The following DHRSX variants were observed in gnomAD, a reference collection of about 807,000 sequenced individuals.
The protein encoded by DHRSX is dehydrogenase/reductase X-linked, also known as polyprenol dehydrogenase.
Under a neutral mutation model 34.0 loss-of-function variants are expected in DHRSX, and 31 were observed. The ratio of observed to expected loss-of-function variants is 0.91; its 90% CI spans 0.69 to 1.23. DHRSX has a LOEUF of 1.23. Among genes scored for constraint, DHRSX ranks in the 50% most tolerant of loss-of-function variants. DHRSX has a pLI of 0.00. For missense variants in DHRSX, 414 were observed against 428.1 expected, an observed-to-expected ratio of 0.97 and a Z score of 0.29; for synonymous variants, 201 against 183.8, an observed-to-expected ratio of 1.09 and a Z score of -0.76.
intron 2 of DHRSX, among the ~76,000 whole-genome samples, chrX:2,424,840 A>G (rs2043822140): frequency 6.6e-6 from 1 of 152,170 alleles, no homozygotes; most frequent in African/African-American, 2.4e-5. Context: ...CACATTAGGT[A>G]TAAGACACAA....
intron 3 of DHRSX, among the ~76,000 whole-genome samples, chrX:2,315,991 A>C (rs929824081): frequency 1.3e-5 from 2 of 152,062 alleles, no homozygotes; most frequent in African/African-American, 4.8e-5. Context: ...CCTCCCCAGT[A>C]GCTGGGATTA....
chrX:2,398,035 T>C (rs1230861250), intron 3 of DHRSX, among the ~76,000 whole-genome samples: 5 of 149,944 alleles, frequency 3.3e-5, no homozygotes, highest in African/African-American at 1.0e-4. Context: ...TAGATACATA[T>C]GCCAACAGGC....
chrX:2,350,552 G>T (rs1360383998), intron 3 of DHRSX, among the ~76,000 whole-genome samples: 1 of 152,112 alleles, frequency 6.6e-6, no homozygotes, highest in Non-Finnish European at 1.5e-5. Flanking sequence ...GCAGACAGTA[G>T]AATGATGGTT....
chrX:2,291,901 T>TTTG (rs2041871366), intron 3 of DHRSX, among the ~76,000 whole-genome samples: 1 of 147,566 alleles, frequency 6.8e-6, no homozygotes, highest in African/African-American at 2.5e-5. Flanking sequence ...TTTGTATTTT[T>TTTG]TTTTTTTTTT....
At chrX:2,255,862 T>C (rs2041269882) in intron 5 of DHRSX, among the ~76,000 whole-genome samples, 2 of 151,866 alleles carry the variant, frequency 1.3e-5, no homozygotes, top group Non-Finnish European at 2.9e-5. Flanking sequence ...TGTAGTGAGC[T>C]GAGATTGCGC....
intron 1 of DHRSX, among the ~76,000 whole-genome samples, chrX:2,466,580 C>T (rs776420180): frequency 3.5e-4 from 54 of 152,238 alleles, no homozygotes; most frequent in African/African-American, 1.3e-3. Context: ...GGCAGCTAAA[C>T]ATTGGGTACT....
Position 2,375,305 on chromosome X carries a change from C to T in DHRSX, c.286+33440G>A, listed in dbSNP as rs1209872730. Among the ~76,000 whole-genome samples, 6 of 137,770 alleles carry T rather than the reference C, an allele frequency of 4.4e-5. 1 individual carries two copies. The South Asian group carries it at 9.2e-4, about 21-fold the overall frequency. 90.4% of individuals were successfully genotyped at this position (137,770 alleles called of 152,430 possible). ...GCACATCACACAATGAATGAGCTTC[C>T]GATAAGTGAAAGTATGGTATGCACA... On this transcript the variant is annotated intron_variant, in intron 3 of 6. Coordinates refer to ENST00000334651, the MANE Select transcript of DHRSX (RefSeq NM_145177.3).
At chrX:2,485,584 G>A (rs866368083) in intron 1 of DHRSX, among the ~76,000 whole-genome samples, 1 of 125,450 alleles carries the variant, frequency 8.0e-6, no homozygotes, top group Non-Finnish European at 1.6e-5. Context: ...AGGAAGGAAG[G>A]AGGAAGGGAG....
chrX:2,296,943 A>G (rs1037969843), intron 3 of DHRSX, among the ~76,000 whole-genome samples: 2 of 98,916 alleles, frequency 2.0e-5, no homozygotes, highest in Non-Finnish European at 3.9e-5. Context: ...CCAGGCAGAT[A>G]GGAATAGGAC....
At chrX:2,251,157 G>A (rs1294281481) in intron 5 of DHRSX, among the ~76,000 whole-genome samples, 2 of 152,144 alleles carry the variant, frequency 1.3e-5, no homozygotes, top group East Asian at 1.9e-4. Flanking sequence ...ATCTGACATC[G>A]GGCCTGTAAA....
chrX:2,496,208 G>C (rs1424369102), intron 1 of DHRSX, among the ~76,000 whole-genome samples: 5 of 151,542 alleles, frequency 3.3e-5, no homozygotes, highest in African/African-American at 1.2e-4. Flanking sequence ...TTGTTTTTTT[G>C]GTTTTTTTGA....
chrX:2,351,822 C>T (rs747113900), intron 3 of DHRSX, among the ~76,000 whole-genome samples: 169 of 152,278 alleles, frequency 1.1e-3, no homozygotes, highest in African/African-American at 3.8e-3. Flanking sequence ...TCGATTCAAG[C>T]GATTCTCCAG....
chrX:2,252,642 G>A (rs1260676624), intron 5 of DHRSX, among the ~76,000 whole-genome samples: 1 of 152,180 alleles, frequency 6.6e-6, no homozygotes, highest in African/African-American at 2.4e-5. Context: ...TTACACAGTA[G>A]CGTGGAGAAG....
At chrX:2,261,875 C>T (rs2041368308) in intron 5 of DHRSX, 2 of 152,172 alleles carry the variant, frequency 1.3e-5, no homozygotes, top group Non-Finnish European at 1.5e-5. Context: ...CAGTGCTGTA[C>T]GAGGAAGGGG....
rs1260613033 is a variant in DHRSX at position 2,474,341 on chromosome X, G to A, written c.109+26476C>T. 2.0e-5 allele frequency among the ~76,000 whole-genome samples: 3 copies of A among 152,136 alleles called. No individual in the cohort carries two copies. The East Asian group carries it at 5.8e-4, about 29-fold the overall frequency. On this transcript the variant is annotated intron_variant, in intron 1 of 6. Transcript: ENST00000334651. ...AAGGGACTGCCACCATGTACACACT[G>A]AAGATGTTCCCTAAGAATGGGGCCA...
rs2045117597 is a variant in DHRSX, at chrX:2,490,831, T to G, written c.109+9986A>C. 9.6e-6 allele frequency: 14 copies of G among 1,452,254 alleles called. No homozygotes were observed. In the South Asian group the frequency reaches 1.9e-4, roughly 20 times the overall value. The allele number at this position is 1,452,254 out of a possible 1,614,324, so 90.0% of individuals were successfully genotyped here. On this transcript the variant is annotated intron_variant, in intron 1 of 6. Coordinates refer to ENST00000334651, the MANE Select transcript of DHRSX (RefSeq NM_145177.3). ...GGGACCCAGGCACGCACGGGAGCCC[T>G]GCCGGGGAGACAGACAGGGTGCCGG...
chrX:2,468,143 G>C (rs143285173), intron 1 of DHRSX, among the ~76,000 whole-genome samples: 1 of 152,152 alleles, frequency 6.6e-6, no homozygotes, highest in South Asian at 2.1e-4. Context: ...TGATGCGATG[G>C]GGGCATCTCC....
At chrX:2,252,785 G>A (rs1182374758) in intron 5 of DHRSX, among the ~76,000 whole-genome samples, 5 of 152,136 alleles carry the variant, frequency 3.3e-5, no homozygotes, top group Non-Finnish European at 5.9e-5. Context: ...TGGGGGTTAG[G>A]GATGAAGAAA....
chrX:2,347,020 G>C (rs183760204), intron 3 of DHRSX, among the ~76,000 whole-genome samples: 1 of 152,130 alleles, frequency 6.6e-6, no homozygotes, highest in Non-Finnish European at 1.5e-5. Flanking sequence ...TGGTGTCTCT[G>C]TGCCATATTG....
Sources: gnomAD v4.1 joint callset for allele counts (sites outside exome capture counted in the v4.1 genomes callset) on GRCh38, gnomAD v4.1.1 for gene constraint, MANE v1.5 for transcripts, NCBI Gene and HGNC (gene_info 2026-07-23, HGNC 2026-07-21) for gene names.